PIK3CG: variants seen among roughly 807,000 people sequenced by gnomAD.
The protein encoded by PIK3CG is phosphatidylinositol-4,5-bisphosphate 3-kinase catalytic subunit gamma, also known as phosphatidylinositol 4,5-bisphosphate 3-kinase catalytic subunit gamma isoform.
A neutral mutation model predicts 102.3 loss-of-function variants in PIK3CG; 55 were observed. The ratio of observed to expected loss-of-function variants is 0.54; its 90% CI spans 0.43 to 0.67. The LOEUF is 0.67. PIK3CG is among the 30% of genes least tolerant of loss of function. PIK3CG has a pLI of 0.00. For synonymous variants in PIK3CG, 552 were observed against 540.0 expected, an observed-to-expected ratio of 1.02 and a Z score of -0.31; for missense variants, 1,258 against 1,391.8, an observed-to-expected ratio of 0.90 and a Z score of 1.53.
Position 106,868,380 on chromosome 7 carries a change from C to T in PIK3CG, c.819C>T (p.Arg273=), listed in dbSNP as rs766076868. The T allele has an allele frequency of 6.8e-6, 11 of 1,614,210 alleles. No individual in the cohort carries two copies. The highest frequency in any genetic ancestry group is 3.3e-5 in the South Asian group (3 of 91,088). Residue 273 remains arginine, a synonymous_variant, in exon 2 of 11, where the codon CGC becomes CGT. Transcript: ENST00000496166. This position sits in a 1 kb window ranked among gnomAD's most constrained non-coding sequence, Gnocchi z 6.2. ...ESQSEQDFVL[R]VCGRDEYLVG... ...AAAGCGAACAGGATTTTGTGCTGCG[C>T]GTCTGTGGCCGGGATGAGTACCTGG...
rs1277491292 is a variant in PIK3CG at position 106,886,158 on chromosome 7, G to A, written c.2896G>A (p.Gly966Arg). ...AGGAAACCTATTTCATATTGACTTCGGGCACATTCTTGGGAATTACAAAAG... is the reference window on the plus strand; with the variant it reads ...AGGAAACCTATTTCATATTGACTTCAGGCACATTCTTGGGAATTACAAAAG... ...ETGNLFHIDF[G>R]HILGNYKSFL... The change falls in exon 10 of 11, where the codon GGG (glycine) becomes AGG (arginine). Residue 966 changes from glycine to arginine, a missense_variant. By Grantham distance (125) the Gly-to-Arg change is moderately radical. Around this residue, in one of 2 missense-constraint regions of PIK3CG, gnomAD observed 426 missense variants for 604.2 expected, o/e 0.71. Transcript: ENST00000496166. The A allele has an allele frequency of 1.9e-6, 3 of 1,613,760 alleles. No individual in the cohort carries two copies. Among genetic ancestry groups the A allele is most frequent in the Non-Finnish European group, 1.7e-6 (2 of 1,179,874 alleles).
Position 106,905,605 on chromosome 7 carries a change from T to A in PIK3CG, c.*218T>A. On this transcript the variant is annotated 3_prime_UTR_variant, in exon 11 of 11. Coordinates refer to ENST00000496166, the MANE Select transcript of PIK3CG (RefSeq NM_001282426.2). This position sits in a 1 kb window ranked among gnomAD's most constrained non-coding sequence, Gnocchi z 5.6. ...GTGCTAGGATTATTTGCAGGTTTGG[T>A]TTTTTCTCATTTGTCTGTGGCATTG... 1 of 544,444 alleles carries A rather than the reference T, an allele frequency of 1.8e-6. No homozygotes were observed. Among genetic ancestry groups the A allele is most frequent in the Non-Finnish European group, 3.2e-6 (1 of 309,342 alleles). The allele number at this position is 544,444 out of a possible 1,614,324, so 33.7% of individuals were successfully genotyped here. A position where few individuals can be genotyped will look rare whatever the true frequency, so the allele number is the denominator to read the frequency against.
chr7:106,890,115 A>T lies in PIK3CG; in HGVS notation c.3030+3823A>T, dbSNP rs1432350362. ...ATATATATAATAAACAAATGTATTTATATCATTGGCAAATGAAATTTGGCT... is the reference window on the plus strand; with the variant it reads ...ATATATATAATAAACAAATGTATTTTTATCATTGGCAAATGAAATTTGGCT... On this transcript the variant is annotated intron_variant, in intron 10 of 10. Transcript: ENST00000496166. The surrounding 1 kb of genome is among the most constrained non-coding windows in gnomAD (Gnocchi z 4.2). Among the ~76,000 whole-genome samples the T allele has an allele frequency of 4.6e-5, 7 of 152,240 alleles. No homozygotes were observed. Among genetic ancestry groups the T allele is most frequent in the Admixed American group, 4.6e-4 (7 of 15,290 alleles).
chr7:106,872,582 C>T lies in PIK3CG; in HGVS notation c.2041C>T (p.Leu681=), dbSNP rs1790570927. 1.2e-6 allele frequency: 2 copies of T among 1,613,824 alleles called. No homozygotes were observed. Among genetic ancestry groups the T allele is most frequent in the Non-Finnish European group, 1.7e-6 (2 of 1,179,810 alleles). ...PYHDSALARF[L]LKRGLRNKRI... Reference sequence around the variant, plus strand: ...CCATGATAGCGCCCTTGCCAGATTTCTGCTGAAGCGTGGTTTAAGAGTAAG... The same window carrying T: ...CCATGATAGCGCCCTTGCCAGATTTTTGCTGAAGCGTGGTTTAAGAGTAAG... Residue 681 remains leucine, a synonymous_variant, in exon 3 of 11, where the codon CTG becomes TTG. Coordinates refer to ENST00000496166, the MANE Select transcript of PIK3CG (RefSeq NM_001282426.2). This position sits in a 1 kb window ranked among gnomAD's most constrained non-coding sequence, Gnocchi z 5.3.
Position 106,867,984 on chromosome 7 carries a change from C to G in PIK3CG, c.423C>G (p.His141Gln), listed in dbSNP as rs1233472525. The G allele has an allele frequency of 1.9e-6, 3 of 1,612,282 alleles. No individual in the cohort carries two copies. Among genetic ancestry groups the G allele is most frequent in the Admixed American group, 1.7e-5 (1 of 59,994 alleles). The change falls in exon 2 of 11, where the codon CAC (histidine) becomes CAG (glutamine). Residue 141 changes from histidine to glutamine, a missense_variant. His to Gln is a conservative substitution (Grantham distance 24). Coordinates refer to ENST00000496166, the MANE Select transcript of PIK3CG (RefSeq NM_001282426.2). The surrounding 1 kb of genome is among the most constrained non-coding windows in gnomAD (Gnocchi z 5.1). ...GCCAGATCCACCTGGTGCAGCGGCA[C>G]CCGCCCTCCGAGGAGTCCCAAGCCT... ...SPGQIHLVQR[H>Q]PPSEESQAFQ...
Position 106,879,620 on chromosome 7 carries a change from C to G in PIK3CG, c.2493C>G (p.Ile831Met). The change falls in exon 6 of 11, where the codon ATC (isoleucine) becomes ATG (methionine). Residue 831 changes from isoleucine to methionine, a missense_variant. Coordinates refer to ENST00000496166, the MANE Select transcript of PIK3CG (RefSeq NM_001282426.2). The surrounding 1 kb of genome is among the most constrained non-coding windows in gnomAD (Gnocchi z 4.9). ...TATCAAATGAAACAATTGGAATTAT[C>G]TTTAAACATGGTGATGATCTGCGCC... ...TALSNETIGI[I>M]FKHGDDLRQD... 6.2e-7 allele frequency: 1 copy of G among 1,612,948 alleles called. No individual in the cohort carries two copies. The highest frequency in any genetic ancestry group is 2.2e-5 in the East Asian group (1 of 44,864).
rs1584334333 is a variant in PIK3CG, at chr7:106,883,315, T to A, written c.2760+152T>A. Reference sequence around the variant, plus strand: ...CTTGTGAAATAATGGAGGTTTTAAGTACCCTCCCGTGGTGACAGCATATCT... The same window carrying A: ...CTTGTGAAATAATGGAGGTTTTAAGAACCCTCCCGTGGTGACAGCATATCT... On this transcript the variant is annotated intron_variant, in intron 8 of 10. Coordinates refer to ENST00000496166, the MANE Select transcript of PIK3CG (RefSeq NM_001282426.2). The surrounding 1 kb of genome is among the most constrained non-coding windows in gnomAD (Gnocchi z 5.8). 2 of 755,030 alleles carry A rather than the reference T, an allele frequency of 2.6e-6. No individual in the cohort carries two copies. The highest frequency in any genetic ancestry group is 1.8e-5 in the African/African-American group (1 of 56,890). 46.8% of individuals were successfully genotyped at this position (755,030 alleles called of 1,614,324 possible).
intron 10 of PIK3CG, among the ~76,000 whole-genome samples, chr7:106,896,176 C>T (rs1791403309): frequency 6.6e-6 from 1 of 152,164 alleles, no homozygotes; most frequent in Non-Finnish European, 1.5e-5. Flanking sequence ...CCTTTAACGC[C>T]TCTCCTTGGG....
At position 106,908,192 on chromosome 7, in the gene PIK3CG, T is replaced by C. The variant is rs1189071276; in HGVS notation, c.*2805T>C. Among the ~76,000 whole-genome samples the C allele has an allele frequency of 1.3e-5, 2 of 152,238 alleles. No homozygotes were observed. Among genetic ancestry groups the C allele is most frequent in the Non-Finnish European group, 2.9e-5 (2 of 68,002 alleles). On this transcript the variant is annotated 3_prime_UTR_variant, in exon 11 of 11. Coordinates refer to ENST00000496166, the MANE Select transcript of PIK3CG (RefSeq NM_001282426.2). The surrounding 1 kb of genome is among the most constrained non-coding windows in gnomAD (Gnocchi z 4.1). ...TGCAGTCCCATCATTCAAAAATTATTAAGAAATTCGAGATGGCAACAGCAG... is the reference window on the plus strand; with the variant it reads ...TGCAGTCCCATCATTCAAAAATTATCAAGAAATTCGAGATGGCAACAGCAG...
rs1358468339 is a variant in PIK3CG at position 106,907,808 on chromosome 7, A to G, written c.*2421A>G. Reference sequence around the variant, plus strand: ...TATATATATCACACATATATATCACAGTTTTATATATATATATGTATGTGT... The same window carrying G: ...TATATATATCACACATATATATCACGGTTTTATATATATATATGTATGTGT... On this transcript the variant is annotated 3_prime_UTR_variant, in exon 11 of 11. Transcript: ENST00000496166. Among the ~76,000 whole-genome samples, 5 of 142,938 alleles carry G rather than the reference A, an allele frequency of 3.5e-5. No individual in the cohort carries two copies. The highest frequency in any genetic ancestry group is 1.3e-4 in the African/African-American group (5 of 39,136). 93.8% of individuals were successfully genotyped at this position (142,938 alleles called of 152,430 possible).
In PIK3CG at chr7:106,869,642, A is replaced by T; in HGVS notation, c.1995+86A>T. The T allele has an allele frequency of 8.8e-7, 1 of 1,133,024 alleles. No homozygotes were observed. The allele number at this position is 1,133,024 out of a possible 1,614,324, so 70.2% of individuals were successfully genotyped here. A position where few individuals can be genotyped will look rare whatever the true frequency, so the allele number is the denominator to read the frequency against. ...CAGGCACTCCATTCAGTTGTCATCA[A>T]ATGCCCTTTGTTCAGAGCTTCATCA... On this transcript the variant is annotated intron_variant, in intron 2 of 10. Coordinates refer to ENST00000496166, the MANE Select transcript of PIK3CG (RefSeq NM_001282426.2). The surrounding 1 kb of genome is among the most constrained non-coding windows in gnomAD (Gnocchi z 5.3).
In PIK3CG at chr7:106,905,447, C is replaced by A. The variant is rs570872249; in HGVS notation, c.*60C>A. 2 of 1,483,492 alleles carry A rather than the reference C, an allele frequency of 1.3e-6. No individual in the cohort carries two copies. Among genetic ancestry groups the A allele is most frequent in the South Asian group, 2.6e-5 (2 of 78,042 alleles). 91.9% of individuals were successfully genotyped at this position (1,483,492 alleles called of 1,614,324 possible). A position where few individuals can be genotyped will look rare whatever the true frequency, so the allele number is the denominator to read the frequency against. On this transcript the variant is annotated 3_prime_UTR_variant, in exon 11 of 11. Coordinates refer to ENST00000496166, the MANE Select transcript of PIK3CG (RefSeq NM_001282426.2). This position sits in a 1 kb window ranked among gnomAD's most constrained non-coding sequence, Gnocchi z 5.6. ...CTATGGTTTAAATTAGCATAGCAAT[C>A]ATCGAACTTGGATTTCAAATGCAAT... is the stretch of plus-strand genomic sequence containing the variant.
In PIK3CG at chr7:106,867,800, A is replaced by C; in HGVS notation, c.239A>C (p.Glu80Ala). The part of the protein sequence containing the change: ...MKAQVWLRAL[E>A]TSVAADFYHR... The stretch of plus-strand genomic sequence containing the variant: ...GCCCAGGTGTGGCTGCGAGCGCTGG[A>C]GACCAGCGTGGCGGCGGACTTCTAC... The change falls in exon 2 of 11, where the codon GAG (glutamate) becomes GCG (alanine). Residue 80 changes from glutamate to alanine, a missense_variant. Glu to Ala is a moderately radical substitution (Grantham distance 107). Transcript: ENST00000496166. The surrounding 1 kb of genome is among the most constrained non-coding windows in gnomAD (Gnocchi z 5.1). 6.2e-7 allele frequency: 1 copy of C among 1,612,658 alleles called. No homozygotes were observed. The highest frequency in any genetic ancestry group is 8.5e-7 in the Non-Finnish European group (1 of 1,179,926).
chr7:106,871,514 T>G (rs1034598660), intron 2 of PIK3CG, among the ~76,000 whole-genome samples: 2 of 152,220 alleles, frequency 1.3e-5, no homozygotes, highest in East Asian at 3.8e-4. Context: ...AAATATAAAC[T>G]AGAATGTGAA....
At position 106,903,927 on chromosome 7, in the gene PIK3CG, T is replaced by A. The variant is rs1337161021; in HGVS notation, c.3031-1182T>A. 6.6e-6 allele frequency among the ~76,000 whole-genome samples: 1 copy of A among 151,584 alleles called. No individual in the cohort carries two copies. Among genetic ancestry groups the A allele is most frequent in the Non-Finnish European group, 1.5e-5 (1 of 67,874 alleles). On this transcript the variant is annotated intron_variant, in intron 10 of 10. Transcript: ENST00000496166. This position sits in a 1 kb window ranked among gnomAD's most constrained non-coding sequence, Gnocchi z 4.3. The stretch of plus-strand genomic sequence containing the variant: ...ACACATGCCACCACACCCAGCTAAT[T>A]TTTTTGTATTTTTAGTAGAGACGGG...
Position 106,884,060 on chromosome 7 carries a change from G to C in PIK3CG, c.2761-95G>C, listed in dbSNP as rs1791017218. 2 of 934,762 alleles carry C rather than the reference G, an allele frequency of 2.1e-6. No individual in the cohort carries two copies. Among genetic ancestry groups the C allele is most frequent in the African/African-American group, 1.6e-5 (1 of 61,060 alleles). The allele number at this position is 934,762 out of a possible 1,614,324, so 57.9% of individuals were successfully genotyped here. On this transcript the variant is annotated intron_variant, in intron 8 of 10. Transcript: ENST00000496166. The surrounding 1 kb of genome is among the most constrained non-coding windows in gnomAD (Gnocchi z 4.2). ...CACAACTAACTTGCTCTCTGAAAAT[G>C]GTTTCCAGAATATTCTCTTTTTAGA... is the stretch of plus-strand genomic sequence containing the variant.
intron 10 of PIK3CG, among the ~76,000 whole-genome samples, chr7:106,889,731 G>A (rs1279350516): frequency 1.3e-5 from 2 of 152,242 alleles, no homozygotes; most frequent in South Asian, 2.1e-4. Context: ...GAGCATGGAA[G>A]TAAGAGGAAC....
At chr7:106,875,496 T>A (rs1358689372) in intron 5 of PIK3CG, among the ~76,000 whole-genome samples, 2 of 152,204 alleles carry the variant, frequency 1.3e-5, no homozygotes, top group Admixed American at 6.5e-5. Context: ...TTGCAGTTAG[T>A]CCTTTTTCTC....
At chr7:106,881,910 A>G (rs1413132270) in intron 6 of PIK3CG, among the ~76,000 whole-genome samples, 2 of 152,168 alleles carry the variant, frequency 1.3e-5, no homozygotes, top group Non-Finnish European at 2.9e-5. Flanking sequence ...CCCAAGGTAC[A>G]TTTCGGAAAA....
Sources: allele counts gnomAD v4.1 joint callset (sites outside exome capture counted in the v4.1 genomes callset), GRCh38; gene constraint gnomAD v4.1.1; regional missense constraint gnomAD v4.1.1; non-coding constraint Gnocchi (gnomAD v3.1); transcripts MANE v1.5; gene names NCBI Gene and HGNC (gene_info 2026-07-23, HGNC 2026-07-21).